The following SOX5 variants were observed in gnomAD, a reference collection of about 807,000 sequenced individuals.
SOX5 encodes the protein SRY-box transcription factor 5, also known as transcription factor SOX-5.
Under a neutral mutation model 92.0 loss-of-function variants are expected in SOX5, and 9 were observed. The ratio of observed to expected loss-of-function variants is 0.10; its 90% CI spans 0.06 to 0.17. The LOEUF (loss-of-function observed/expected upper bound fraction) is 0.17, where lower values mean the gene tolerates loss of function less well. SOX5 is among the 10% of genes least tolerant of loss of function. SOX5 has a pLI of 1.00. For synonymous variants in SOX5, 344 were observed against 336.3 expected (o/e 1.02, Z -0.25); for missense variants, 642 against 944.5 (o/e 0.68, Z 4.20).
chr12:23,793,700 A>G (rs920830011), intron 3 of SOX5, among the ~76,000 whole-genome samples: 4 of 152,192 alleles, frequency 2.6e-5, no homozygotes, highest in African/African-American at 9.6e-5. Context: ...TTAAATGTCC[A>G]TATATCATAA....
chr12:23,870,489 C>G (rs1187090819), intron 2 of SOX5, among the ~76,000 whole-genome samples: 1 of 152,032 alleles, frequency 6.6e-6, no homozygotes, highest in African/African-American at 2.4e-5. Flanking sequence ...CCAATAAATA[C>G]CAACTCTATT....
chr12:24,445,149 A>G (rs768188719), intron 1 of SOX5, among the ~76,000 whole-genome samples: 2 of 152,208 alleles, frequency 1.3e-5, no homozygotes, highest in Non-Finnish European at 2.9e-5. Flanking sequence ...TAAAACAATA[A>G]GTCATTTCAA....
chr12:24,242,624 C>A (rs1022609283), intron 3 of SOX5, among the ~76,000 whole-genome samples: 1 of 138,618 alleles, frequency 7.2e-6, no homozygotes, highest in Non-Finnish European at 1.5e-5. Flanking sequence ...CAAAGAAATG[C>A]AAATGAAAAC....
At position 24,047,128 on chromosome 12, in the gene SOX5, T is replaced by C. The variant is rs532848998; in HGVS notation, c.-1-151104A>G. 7.9e-5 allele frequency among the ~76,000 whole-genome samples: 12 copies of C among 152,270 alleles called. No individual in the cohort carries two copies. The South Asian group carries it at 2.3e-3, about 29-fold the overall frequency. ...TACCTCTAGAATTTCAAAGAGACAGTAGGGTGACAATCAAAAGACATGGTG... is the reference window on the plus strand; with the variant it reads ...TACCTCTAGAATTTCAAAGAGACAGCAGGGTGACAATCAAAAGACATGGTG... On this transcript the variant is annotated intron_variant, in intron 4 of 4. Transcript: ENST00000446891.
chr12:24,070,147 C>T (rs142377160), intron 4 of SOX5, among the ~76,000 whole-genome samples: 21 of 152,292 alleles, frequency 1.4e-4, no homozygotes, highest in Admixed American at 7.2e-4. Flanking sequence ...ACTTCTCCTG[C>T]GACCAGCTGT....
At chr12:23,678,090 G>A (rs982971108) in intron 6 of SOX5, among the ~76,000 whole-genome samples, 4 of 152,062 alleles carry the variant, frequency 2.6e-5, no homozygotes, top group Non-Finnish European at 5.9e-5. Context: ...TAAAACATGT[G>A]TGAAATTACC....
intron 4 of SOX5, among the ~76,000 whole-genome samples, chr12:24,133,663 C>G (rs1949859030): frequency 1.3e-5 from 2 of 152,110 alleles, no homozygotes; most frequent in Non-Finnish European, 2.9e-5. Context: ...AGAACAAAAA[C>G]TGTTTCTATG....
At chr12:23,651,345 G>A (rs1042236069) in intron 7 of SOX5, among the ~76,000 whole-genome samples, 1 of 151,890 alleles carries the variant, frequency 6.6e-6, no homozygotes, top group African/African-American at 2.4e-5. Flanking sequence ...TTATCCCACG[G>A]TTAATCATTA....
chr12:24,119,264 C>T (rs578142549), intron 4 of SOX5, among the ~76,000 whole-genome samples: 4 of 151,936 alleles, frequency 2.6e-5, no homozygotes, highest in Non-Finnish European at 1.5e-5. Context: ...ATCTTCAGAG[C>T]GAACAAAACA....
intron 3 of SOX5, among the ~76,000 whole-genome samples, chr12:23,760,541 TCTCA>T (rs1271659246): frequency 1.3e-5 from 2 of 152,084 alleles, no homozygotes; most frequent in African/African-American, 4.8e-5. Context: ...GCTTTTCCCT[TCTCA>T]CTCTTGCCTC....
At chr12:24,246,629 T>C (rs1938796843) in intron 3 of SOX5, among the ~76,000 whole-genome samples, 1 of 152,148 alleles carries the variant, frequency 6.6e-6, no homozygotes, top group African/African-American at 2.4e-5. Flanking sequence ...GGAAGAGAAG[T>C]AGTGTACAGG....
At chr12:24,468,948 G>A (rs1467918974) in intron 1 of SOX5, among the ~76,000 whole-genome samples, 1 of 152,178 alleles carries the variant, frequency 6.6e-6, no homozygotes, top group Non-Finnish European at 1.5e-5. Flanking sequence ...ACAGACCAGG[G>A]TGGAAGGATG....
At chr12:23,946,692 C>T (rs1944646130) in intron 1 of SOX5, among the ~76,000 whole-genome samples, 1 of 151,810 alleles carries the variant, frequency 6.6e-6, no homozygotes, top group Admixed American at 6.6e-5. Context: ...ACATTTAGAC[C>T]ATGTTGCCAG....
At chr12:23,838,521 T>C (rs1386071033) in intron 3 of SOX5, among the ~76,000 whole-genome samples, 1 of 152,092 alleles carries the variant, frequency 6.6e-6, no homozygotes, top group Non-Finnish European at 1.5e-5. Context: ...ATTACCTTTC[T>C]GAAACTAACA....
rs73280161 is a variant in SOX5, at chr12:23,903,807, T to A, written c.39-7783A>T. On this transcript the variant is annotated intron_variant, in intron 1 of 14. Coordinates refer to ENST00000451604, the MANE Select transcript of SOX5 (RefSeq NM_006940.6). ...ATTAAGGTTGTTGTGAAAAGGCTAA[T>A]CAATATTAGGAATTAAACTTTACTG... Among the ~76,000 whole-genome samples the A allele has an allele frequency of 3.7e-3, 565 of 152,312 alleles. 2 individuals are homozygous for A. The highest frequency in any genetic ancestry group is 0.013 in the African/African-American group (538 of 41,568).
chr12:24,539,465 T>C (rs1455952981), intron 1 of SOX5, among the ~76,000 whole-genome samples: 1 of 152,154 alleles, frequency 6.6e-6, no homozygotes, highest in East Asian at 1.9e-4. Context: ...AGCTTCATGT[T>C]CAAACACTGG....
intron 14 of SOX5, among the ~76,000 whole-genome samples, chr12:23,534,960 T>C (rs1297578463): frequency 6.6e-6 from 1 of 152,172 alleles, no homozygotes; most frequent in Non-Finnish European, 1.5e-5. Context: ...TCCACCTGCC[T>C]CGGCCTCCCA....
chr12:24,204,890 AG>A (rs1292369468), intron 4 of SOX5, among the ~76,000 whole-genome samples: 1 of 152,156 alleles, frequency 6.6e-6, no homozygotes, highest in Non-Finnish European at 1.5e-5. Context: ...CACTGCCTAT[AG>A]ATATCATCTA....
At chr12:24,483,813 T>C (rs909187367) in intron 1 of SOX5, among the ~76,000 whole-genome samples, 2 of 152,248 alleles carry the variant, frequency 1.3e-5, no homozygotes, top group African/African-American at 4.8e-5. Context: ...AAAGCTTATT[T>C]TATGAACACA....
Sources: gnomAD v4.1 joint callset for allele counts (sites outside exome capture counted in the v4.1 genomes callset) on GRCh38, gnomAD v4.1.1 for gene constraint, MANE v1.5 for transcripts, NCBI Gene and HGNC (gene_info 2026-07-23, HGNC 2026-07-21) for gene names.